Variants in BCOR observed in about 807,000 individuals in gnomAD.
The protein encoded by BCOR is BCL-6 corepressor.
BCOR carries 10 observed loss-of-function variants against 86.7 expected under a neutral mutation model. The observed-to-expected ratio is 0.12, with a 90% CI of 0.07 to 0.20. BCOR has a LOEUF of 0.20. Among genes scored for constraint, BCOR ranks in the 10% least tolerant of loss-of-function variants. The pLI, the probability that BCOR is intolerant of heterozygous loss-of-function variation, is 1.00. For missense variants in BCOR, 1,259 were observed against 1,452.1 expected, an observed-to-expected ratio of 0.87 and a Z score of 2.16; for synonymous variants, 611 against 609.0, an observed-to-expected ratio of 1.00 and a Z score of -0.05.
At chrX:40,109,921 G>T (rs974842725) in intron 1 of BCOR, among the ~76,000 whole-genome samples, 1 of 112,402 alleles carries the variant, frequency 8.9e-6, no homozygotes, top group African/African-American at 3.2e-5. Flanking sequence ...TCTCCCCGCC[G>T]GGGAGTGGGT....
chrX:40,064,500 C>T lies in BCOR; in HGVS notation c.3338G>A (p.Ser1113Asn), dbSNP rs368580910. Residue 1113 changes from serine to asparagine, a missense_variant, in exon 7 of 15, where the codon AGC (serine) becomes AAC (asparagine). Around this residue, in one of 7 missense-constraint regions of BCOR, gnomAD observed 305 missense variants for 286.1 expected, o/e 1.07. Transcript: ENST00000378444. ...GGCCACCTGGTCTGCGGGAGGCTCG[C>T]TCACAGGCTGCCTCTCCACAAAGTA... ...EKYFVERQPV[S>N]EPPADQVASD... The T allele has an allele frequency of 3.3e-5, 40 of 1,211,053 alleles. No homozygotes were observed. Among genetic ancestry groups the T allele is most frequent in the Non-Finnish European group, 4.1e-5 (37 of 895,442 alleles).
At position 40,074,402 on chromosome X, in the gene BCOR, ACCC is replaced by A. The variant is rs1935673272; in HGVS notation, c.941_943del (p.Arg314_Val315delinsIle). The A allele has an allele frequency of 8.3e-7, 1 of 1,209,788 alleles. No homozygotes were observed. Among genetic ancestry groups the A allele is most frequent in the Non-Finnish European group, 1.1e-6 (1 of 894,470 alleles). On this transcript the variant is annotated inframe_deletion, in exon 4 of 15. Coordinates refer to ENST00000378444, the MANE Select transcript of BCOR (RefSeq NM_001123385.2). ...ACTGGTGACCGCCTTGGCAGAGGGA[ACCC>A]TGGGCTGCTTACTGTTCTGGATGTG...
chrX:40,052,315 C>G lies in BCOR; in HGVS notation c.5062G>C (p.Glu1688Gln), dbSNP rs1368427807. The G allele has an allele frequency of 2.5e-6, 3 of 1,210,518 alleles. No individual in the cohort carries two copies. In the Admixed American group the frequency reaches 6.5e-5, roughly 26 times the overall value. Residue 1688 changes from glutamate (E) to glutamine (Q), a missense_variant, in exon 15 of 15, where the codon GAA becomes CAA. Around this residue, in one of 7 missense-constraint regions of BCOR, gnomAD observed 137 missense variants for 149.8 expected, o/e 0.91. Transcript: ENST00000378444. ...TCTGCCTCTGCAATGGTGACAATTT[C>G]CACGTTTGGAAAATTGCAGCGAAAT... ...RIFRCNFPNV[E>Q]IVTIAEAEFY...
intron 1 of BCOR, among the ~76,000 whole-genome samples, chrX:40,094,478 C>T (rs971293877): frequency 8.8e-6 from 1 of 113,079 alleles, no homozygotes; most frequent in Non-Finnish European, 1.9e-5. Context: ...CCAGCTCCGG[C>T]CCCCCGCGCT....
chrX:40,090,840 T>A (rs774715143), intron 1 of BCOR, among the ~76,000 whole-genome samples: 109 of 111,934 alleles, frequency 9.7e-4, no homozygotes, highest in Non-Finnish European at 1.8e-3. Flanking sequence ...TGCGAGCGTC[T>A]GGCCAGGCAG....
chrX:40,126,798 C>T (rs983118175), intron 1 of BCOR, among the ~76,000 whole-genome samples: 17 of 104,718 alleles, frequency 1.6e-4, no homozygotes, highest in Non-Finnish European at 2.5e-4. Flanking sequence ...GAGGTTGCAG[C>T]GAGCTGAGAT....
chrX:40,099,210 C>A (rs1312109444), upstream of BCOR, among the ~76,000 whole-genome samples: 12 of 78,427 alleles, frequency 1.5e-4, no homozygotes, highest in Admixed American at 1.5e-3. Flanking sequence ...GCTCTGGGCG[C>A]GGGGGGAGGG....
chrX:40,091,064 C>CGAAGCTCCA (rs1411886367), intron 1 of BCOR, among the ~76,000 whole-genome samples: 1 of 111,920 alleles, frequency 8.9e-6, no homozygotes, highest in Non-Finnish European at 1.9e-5. Flanking sequence ...TGTGACCTTC[C>CGAAGCTCCA]GAAGCTCCAG....
intron 1 of BCOR, among the ~76,000 whole-genome samples, chrX:40,104,290 T>C (rs1214522639): frequency 9.0e-6 from 1 of 111,625 alleles, no homozygotes; most frequent in Admixed American, 9.5e-5. Context: ...TGGTTGTTAA[T>C]GCGAAATAAG....
At chrX:40,158,311 G>A (rs1163080152) in intron 1 of BCOR, among the ~76,000 whole-genome samples, 1 of 112,094 alleles carries the variant, frequency 8.9e-6, no homozygotes, top group Non-Finnish European at 1.9e-5. Flanking sequence ...CCCCGGACGC[G>A]GGCGGCTGCG....
intron 1 of BCOR, among the ~76,000 whole-genome samples, chrX:40,146,968 C>T (rs1487988956): frequency 1.8e-5 from 2 of 112,046 alleles, no homozygotes; most frequent in Non-Finnish European, 3.8e-5. Flanking sequence ...CCGCAAAGGC[C>T]GGCGGCGTGC....
chrX:40,076,609 C>T (rs1257316929), intron 2 of BCOR, 77 bp from the exon 3 acceptor site: 2 of 782,644 alleles, frequency 2.6e-6, no homozygotes, highest in Non-Finnish European at 3.9e-6. Flanking sequence ...CCAGAACAGA[C>T]CAGTTTCTAC....
chrX:40,106,547 C>T (rs1408447454), intron 1 of BCOR, among the ~76,000 whole-genome samples: 1 of 110,168 alleles, frequency 9.1e-6, no homozygotes, highest in Admixed American at 9.4e-5. Context: ...CCCGCGCTCC[C>T]GCCTCCCGCC....
At position 40,064,316 on chromosome X, in the gene BCOR, G is replaced by C; in HGVS notation, c.3502+20C>G. ...CAAAGGCCCACCCCCCGGCAGGCGG[G>C]CGAAGCAGACAGGGCTCACCTTTAG... On this transcript the variant is annotated intron_variant, in intron 7 of 14. Coordinates refer to ENST00000378444, the MANE Select transcript of BCOR (RefSeq NM_001123385.2). The C allele has an allele frequency of 8.3e-7, 1 of 1,212,107 alleles. No individual in the cohort carries two copies. Among genetic ancestry groups the C allele is most frequent in the East Asian group, 3.0e-5 (1 of 33,861 alleles).
intron 1 of BCOR, among the ~76,000 whole-genome samples, chrX:40,164,704 CTT>C (rs760385379): frequency 8.9e-6 from 1 of 112,067 alleles, no homozygotes; most frequent in Non-Finnish European, 1.9e-5. Context: ...TCTCTTCTCT[CTT>C]GTTTTTCTTG....
At chrX:40,137,125 C>A (rs944482149) in intron 1 of BCOR, among the ~76,000 whole-genome samples, 3 of 112,888 alleles carry the variant, frequency 2.7e-5, no homozygotes, top group South Asian at 3.6e-4. Context: ...GTTTGACTCT[C>A]TGGCATTGTG....
At chrX:40,065,812 T>A (rs908496257) in intron 6 of BCOR, among the ~76,000 whole-genome samples, 9 of 110,547 alleles carry the variant, frequency 8.1e-5, no homozygotes, top group Non-Finnish European at 1.1e-4. Context: ...AATTTCTAGA[T>A]GAAATAAGCA....
chrX:40,091,327 G>A (rs1936600348), intron 1 of BCOR, among the ~76,000 whole-genome samples: 1 of 112,278 alleles, frequency 8.9e-6, no homozygotes, highest in Non-Finnish European at 1.9e-5. Context: ...TGCATAATGA[G>A]ATTATACTGG....
chrX:40,163,762 G>A (rs1428367255), intron 1 of BCOR, among the ~76,000 whole-genome samples: 2 of 111,137 alleles, frequency 1.8e-5, no homozygotes, highest in Non-Finnish European at 3.8e-5. Context: ...GGTGGCTCAC[G>A]CCTGTAATCC....
Sources: allele counts gnomAD v4.1 joint callset (sites outside exome capture counted in the v4.1 genomes callset), GRCh38; gene constraint gnomAD v4.1.1; regional missense constraint gnomAD v4.1.1; transcripts MANE v1.5; gene names NCBI Gene and HGNC (gene_info 2026-07-23, HGNC 2026-07-21).